SHISA9: variants seen among roughly 807,000 people sequenced by gnomAD.
The protein encoded by SHISA9 is protein shisa-9.
In SHISA9, 13 loss-of-function variants were observed where a neutral mutation model predicts 38.0. That is an observed-to-expected ratio of 0.34 (90% CI 0.22 to 0.54). The LOEUF is 0.54. SHISA9 is among the 20% of genes least tolerant of loss of function. The pLI is 0.91. For synonymous variants in SHISA9, 275 were observed against 242.0 expected (o/e 1.14, Z -1.27); for missense variants, 538 against 575.8 (o/e 0.93, Z 0.67).
chr16:12,972,436 A>G (rs1333704352), intron 2 of SHISA9, among the ~76,000 whole-genome samples: 4 of 152,178 alleles, frequency 2.6e-5, no homozygotes, highest in African/African-American at 9.7e-5. Context: ...CTAAGTGAGC[A>G]AGGATGAGAG....
the SHISA9 span, among the ~76,000 whole-genome samples, chr16:13,398,167 G>A: frequency 2.6e-5 from 4 of 152,162 alleles, no homozygotes; most frequent in Admixed American, 6.5e-5. Context: ...GGATGGGGGC[G>A]TGGTGGCCCA....
At chr16:13,454,318 G>C in the SHISA9 span, among the ~76,000 whole-genome samples, 2 of 152,192 alleles carry the variant, frequency 1.3e-5, no homozygotes, top group African/African-American at 4.8e-5. Flanking sequence ...GAAGGAAGAA[G>C]AGCTAAAAGA....
chr16:12,916,988 T>C (rs2071267325), intron 2 of SHISA9, among the ~76,000 whole-genome samples, 173 bp downstream of exon 2: 2 of 152,176 alleles, frequency 1.3e-5, no homozygotes, highest in African/African-American at 4.8e-5. Context: ...CCGATGTCCG[T>C]TGGTTGCTTT....
At chr16:13,139,354 TCCCTC>T (rs2050377832) in intron 2 of SHISA9, among the ~76,000 whole-genome samples, 1 of 56,684 alleles carries the variant, frequency 1.8e-5, no homozygotes, top group Non-Finnish European at 3.3e-5. Context: ...ACCCCTTCCC[TCCCTC>T]CCCTCCCTCC....
chr16:13,136,531 T>G (rs1312920255), intron 2 of SHISA9, among the ~76,000 whole-genome samples: 4 of 151,860 alleles, frequency 2.6e-5, no homozygotes, highest in African/African-American at 9.7e-5. Context: ...CCTGACTAGC[T>G]GGGATTACAG....
chr16:13,390,876 A>G, the SHISA9 span, among the ~76,000 whole-genome samples: 1 of 152,192 alleles, frequency 6.6e-6, no homozygotes, highest in African/African-American at 2.4e-5. Flanking sequence ...CTTTCACAAG[A>G]GGCAGTCTGA....
At chr16:13,554,630 T>G in the SHISA9 span, among the ~76,000 whole-genome samples, 1 of 151,996 alleles carries the variant, frequency 6.6e-6, no homozygotes, top group Non-Finnish European at 1.5e-5. Flanking sequence ...TAGCTGGGAT[T>G]ATAGGCATGT....
chr16:12,998,366 G>C lies in SHISA9; in HGVS notation c.691+81551G>C, dbSNP rs1037249188. On this transcript the variant is annotated intron_variant, in intron 2 of 4. Coordinates refer to ENST00000558583, the MANE Select transcript of SHISA9 (RefSeq NM_001145204.3). The stretch of plus-strand genomic sequence containing the variant: ...ACTTTGAGGCAGGTGTTCTTGGCTG[G>C]TAAACAGCTTTTCCCGATGTGGTAA... 2.6e-5 allele frequency among the ~76,000 whole-genome samples: 4 copies of C among 152,186 alleles called. 1 individual carries two copies. The highest frequency in any genetic ancestry group is 9.7e-5 in the African/African-American group (4 of 41,444).
At chr16:13,054,819 T>G (rs934019071) in intron 2 of SHISA9, among the ~76,000 whole-genome samples, 1 of 152,240 alleles carries the variant, frequency 6.6e-6, no homozygotes, top group Non-Finnish European at 1.5e-5. Flanking sequence ...CCAGCCACAC[T>G]GACTTCATTT....
chr16:13,292,228 A>G, the SHISA9 span, among the ~76,000 whole-genome samples: 1 of 151,892 alleles, frequency 6.6e-6, no homozygotes, highest in South Asian at 2.1e-4. Context: ...AGAGTCGATT[A>G]CAATTCAAAC....
At chr16:13,553,452 G>T in the SHISA9 span, among the ~76,000 whole-genome samples, 1 of 152,132 alleles carries the variant, frequency 6.6e-6, no homozygotes, top group African/African-American at 2.4e-5. Flanking sequence ...CCATTTTACA[G>T]GTGGGAGAAC....
At chr16:13,536,203 T>C in the SHISA9 span, among the ~76,000 whole-genome samples, 2 of 152,168 alleles carry the variant, frequency 1.3e-5, no homozygotes, top group Non-Finnish European at 2.9e-5. Context: ...TTCACTATGT[T>C]GGCCAGGCTG....
chr16:13,320,063 C>T, the SHISA9 span, among the ~76,000 whole-genome samples: 18 of 151,646 alleles, frequency 1.2e-4, no homozygotes, highest in Non-Finnish European at 2.7e-4. Flanking sequence ...GAGGCTGAAG[C>T]GGGCAGATCA....
chr16:13,326,912 T>C, the SHISA9 span, among the ~76,000 whole-genome samples: 13 of 152,252 alleles, frequency 8.5e-5, no homozygotes, highest in South Asian at 2.7e-3. Context: ...TGCCTTATTA[T>C]CAGTAACTCA....
At chr16:12,909,007 C>T (rs139073469) in intron 1 of SHISA9, 2 of 999,654 alleles carry the variant, frequency 2.0e-6, no homozygotes, top group Non-Finnish European at 1.2e-6. Context: ...TGCACCTCCT[C>T]CTCTTGCCTT....
At chr16:13,257,966 C>T in the SHISA9 span, among the ~76,000 whole-genome samples, 5 of 152,212 alleles carry the variant, frequency 3.3e-5, no homozygotes, top group African/African-American at 1.2e-4. Flanking sequence ...CATGACCAGA[C>T]TTCTCAGTAT....
the SHISA9 span, among the ~76,000 whole-genome samples, chr16:13,349,306 G>T: frequency 1.3e-5 from 2 of 152,190 alleles, no homozygotes; most frequent in Non-Finnish European, 2.9e-5. Context: ...GCATGGACGA[G>T]GGGGTCTCAT....
the SHISA9 span, among the ~76,000 whole-genome samples, chr16:13,383,641 A>G: frequency 1.3e-5 from 2 of 152,062 alleles, no homozygotes; most frequent in East Asian, 1.9e-4. Flanking sequence ...GTTTGCACCA[A>G]CCTAATATTT....
chr16:13,316,376 G>A, the SHISA9 span, among the ~76,000 whole-genome samples: 1 of 152,062 alleles, frequency 6.6e-6, no homozygotes, highest in Non-Finnish European at 1.5e-5. Flanking sequence ...CCTTCCCCAG[G>A]AAGCGAGAAC....
Sources: allele counts gnomAD v4.1 joint callset (sites outside exome capture counted in the v4.1 genomes callset), GRCh38; gene constraint gnomAD v4.1.1; transcripts MANE v1.5; gene names NCBI Gene and HGNC (gene_info 2026-07-23, HGNC 2026-07-21).